MSI2: variants seen among roughly 807,000 people sequenced by gnomAD.
The protein encoded by MSI2 is musashi RNA binding protein 2, also known as RNA-binding protein Musashi homolog 2.
MSI2 carries 17 observed loss-of-function variants against 45.6 expected under a neutral mutation model. That is an observed-to-expected ratio of 0.37 (90% confidence interval 0.26 to 0.56). The LOEUF (loss-of-function observed/expected upper bound fraction) is 0.56. MSI2 is among the 20% of genes least tolerant of loss of function. MSI2 has a pLI of 0.77. For synonymous variants in MSI2, 156 were observed against 158.2 expected (o/e 0.99, Z 0.11); for missense variants, 293 against 444.2 (o/e 0.66, Z 3.06).
chr17:57,568,224 T>C (rs1345702000), intron 7 of MSI2, among the ~76,000 whole-genome samples: 2 of 152,178 alleles, frequency 1.3e-5, no homozygotes, highest in Non-Finnish European at 2.9e-5. Flanking sequence ...AAGGATGCCA[T>C]ATAGAAAATG....
chr17:57,627,100 C>A lies in MSI2; in HGVS notation c.653-129C>A. 1 of 873,066 alleles carries A rather than the reference C, an allele frequency of 1.1e-6. No individual in the cohort carries two copies. Among genetic ancestry groups the A allele is most frequent in the Non-Finnish European group, 1.9e-6 (1 of 529,770 alleles). The allele number at this position is 873,066 out of a possible 1,614,324, so 54.1% of individuals were successfully genotyped here. On this transcript the variant is annotated intron_variant, in intron 9 of 13. Coordinates refer to ENST00000284073, the MANE Select transcript of MSI2 (RefSeq NM_138962.4). This position sits in a 1 kb window ranked among gnomAD's most constrained non-coding sequence, Gnocchi z 4.6. ...CCCAGACCCTTAATAAAAAAACCCT[C>A]ATGAGAGACAAATTATTCTGTGAAG...
chr17:57,622,892 G>A (rs893661003), intron 9 of MSI2, among the ~76,000 whole-genome samples: 3 of 152,204 alleles, frequency 2.0e-5, no homozygotes, highest in African/African-American at 7.2e-5. Context: ...CATTGTCCCT[G>A]TAGAGCAGTG....
intron 6 of MSI2, among the ~76,000 whole-genome samples, chr17:57,457,159 T>G (rs77065423): frequency 0.041 from 6,224 of 152,236 alleles, 392 homozygotes; most frequent in African/African-American, 0.14. Context: ...TAGAGAACAC[T>G]CTAATAACTC....
chr17:57,517,779 T>C (rs1381518502), intron 6 of MSI2, among the ~76,000 whole-genome samples: 1 of 152,174 alleles, frequency 6.6e-6, no homozygotes, highest in African/African-American at 2.4e-5. Context: ...ACCTCTGGCT[T>C]ATCCCCTTGC....
At chr17:57,677,377 G>T (rs951093771) in intron 13 of MSI2, among the ~76,000 whole-genome samples, 1 of 152,170 alleles carries the variant, frequency 6.6e-6, no homozygotes, top group African/African-American at 2.4e-5. Flanking sequence ...AAGAGTGTGG[G>T]AAACTGGAAG....
intron 5 of MSI2, among the ~76,000 whole-genome samples, chr17:57,293,023 A>T (rs907100477): frequency 6.6e-6 from 1 of 152,120 alleles, no homozygotes; most frequent in Admixed American, 6.5e-5. Context: ...TGAACCAATA[A>T]ATAAGACAGT....
chr17:57,299,637 T>C (rs928540195), intron 5 of MSI2, among the ~76,000 whole-genome samples: 22 of 152,298 alleles, frequency 1.4e-4, no homozygotes, highest in African/African-American at 5.3e-4. Flanking sequence ...TTTATCTTAA[T>C]ATTTATTAAG....
intron 6 of MSI2, among the ~76,000 whole-genome samples, chr17:57,442,778 A>G (rs2084824204): frequency 6.6e-6 from 1 of 152,208 alleles, no homozygotes; most frequent in African/African-American, 2.4e-5. Flanking sequence ...ACAGGTGTGT[A>G]GAATGGCATC....
At chr17:57,599,517 C>T (rs772949073) in intron 8 of MSI2, among the ~76,000 whole-genome samples, 22 of 152,332 alleles carry the variant, frequency 1.4e-4, no homozygotes, top group African/African-American at 3.1e-4. Context: ...TCATATTTAT[C>T]GCCTTCTCTC....
intron 5 of MSI2, among the ~76,000 whole-genome samples, chr17:57,340,241 A>G (rs2143783874): frequency 6.6e-6 from 1 of 152,298 alleles, no homozygotes; most frequent in East Asian, 1.9e-4. Flanking sequence ...GCCATTGTGC[A>G]AACCCAAGGA....
chr17:57,365,004 A>T (rs1917089561), intron 5 of MSI2: 1 of 152,220 alleles, frequency 6.6e-6, no homozygotes, highest in Non-Finnish European at 1.5e-5. Context: ...AAAAAATAAA[A>T]ACCACACTGA....
chr17:57,555,905 C>T (rs899879129), intron 7 of MSI2, among the ~76,000 whole-genome samples: 2 of 152,212 alleles, frequency 1.3e-5, no homozygotes, highest in African/African-American at 4.8e-5. Context: ...ACAGCCAGGA[C>T]AGGCTGCCCA....
intron 5 of MSI2, among the ~76,000 whole-genome samples, chr17:57,349,137 G>A (rs1002353245): frequency 6.6e-6 from 1 of 152,122 alleles, no homozygotes; most frequent in Non-Finnish European, 1.5e-5. Flanking sequence ...CTTCTGCCTC[G>A]GGGTTGGAAG....
chr17:57,679,704 A>C lies in MSI2; in HGVS notation c.*187A>C. ...AGGGTTGACTACATCTCATCATCTC[A>C]CGAATCTGCTGTAATATAAGACAAC... On this transcript the variant is annotated 3_prime_UTR_variant, in exon 14 of 14. Transcript: ENST00000284073. 448 of 628,808 alleles carry C rather than the reference A, an allele frequency of 7.1e-4. No homozygotes were observed. The highest frequency in any genetic ancestry group is 8.7e-4 in the Non-Finnish European group (419 of 480,044). The allele number at this position is 628,808 out of a possible 1,614,324, so 39.0% of individuals were successfully genotyped here.
chr17:57,328,941 T>A (rs1567760129), intron 5 of MSI2, among the ~76,000 whole-genome samples: 1 of 152,160 alleles, frequency 6.6e-6, no homozygotes, highest in South Asian at 2.1e-4. Context: ...GATAGGAATA[T>A]AAATTCATTT....
rs541710347 is a variant in MSI2 at position 57,376,820 on chromosome 17, G to A, written c.313-24559G>A. Reference sequence around the variant, plus strand: ...TGGGCAACATTTGCTGCCAAGACCTGCATGTCAATAAGATCCCACCTTCCC... The same window carrying A: ...TGGGCAACATTTGCTGCCAAGACCTACATGTCAATAAGATCCCACCTTCCC... On this transcript the variant is annotated intron_variant, in intron 5 of 13. Coordinates refer to ENST00000284073, the MANE Select transcript of MSI2 (RefSeq NM_138962.4). Among the ~76,000 whole-genome samples the A allele has an allele frequency of 2.2e-4, 34 of 152,222 alleles. No individual in the cohort carries two copies. In the East Asian group the frequency reaches 6.2e-3, roughly 28 times the overall value.
chr17:57,418,863 A>C (rs750077238), intron 6 of MSI2, among the ~76,000 whole-genome samples: 1 of 152,252 alleles, frequency 6.6e-6, no homozygotes, highest in Admixed American at 6.5e-5. Flanking sequence ...AACCAGTGAC[A>C]TTGACATGTC....
intron 5 of MSI2, among the ~76,000 whole-genome samples, chr17:57,370,174 T>C (rs546324914): frequency 6.6e-6 from 1 of 152,274 alleles, no homozygotes; most frequent in South Asian, 2.1e-4. Context: ...CTGAGGTTAG[T>C]GGAAGGGGAA....
chr17:57,528,433 G>A (rs1289895567), intron 6 of MSI2, among the ~76,000 whole-genome samples: 1 of 152,082 alleles, frequency 6.6e-6, no homozygotes. Context: ...GGTCTGGAAG[G>A]GATTAGCAAG....
Sources: gnomAD v4.1 joint callset for allele counts (sites outside exome capture counted in the v4.1 genomes callset) on GRCh38, gnomAD v4.1.1 for gene constraint, Gnocchi (gnomAD v3.1) non-coding constraint, MANE v1.5 for transcripts, NCBI Gene and HGNC (gene_info 2026-07-23, HGNC 2026-07-21) for gene names.